Variants in FIP1L1 observed in about 807,000 individuals in gnomAD.
FIP1L1 encodes the protein factor interacting with PAPOLA and CPSF1.
In FIP1L1, 21 loss-of-function variants were observed where a neutral mutation model predicts 84.6. That is an observed-to-expected ratio of 0.25 (90% CI 0.18 to 0.36). The LOEUF (loss-of-function observed/expected upper bound fraction) is 0.36, where lower values mean the gene tolerates loss of function less well. Among genes scored for constraint, FIP1L1 ranks in the 10% least tolerant of loss-of-function variants. The pLI, the probability that FIP1L1 is intolerant of heterozygous loss-of-function variation, is 1.00. For synonymous variants in FIP1L1, 263 were observed against 242.3 expected, an observed-to-expected ratio of 1.09 and a Z score of -0.80; for missense variants, 526 against 751.1, an observed-to-expected ratio of 0.70 and a Z score of 3.50.
At chr4:53,441,332 CAGAA>C (rs1053974875) in intron 13 of FIP1L1, among the ~76,000 whole-genome samples, 13 of 151,884 alleles carry the variant, frequency 8.6e-5, no homozygotes, top group South Asian at 2.1e-4. Context: ...CTTCAATAAA[CAGAA>C]AGAGTGAAGT....
Position 53,399,718 on chromosome 4 carries a change from T to C in FIP1L1, c.706-12T>C. On this transcript the variant is annotated splice_polypyrimidine_tract_variant and intron_variant, in intron 9 of 17. Coordinates refer to ENST00000337488, the MANE Select transcript of FIP1L1 (RefSeq NM_030917.4). ...GTTAAATTCAACAAGCTAATAACCT[T>C]TTTTTTTTAAGGTACAGCAGGGAAG... 1 of 1,570,544 alleles carries C rather than the reference T, an allele frequency of 6.4e-7. No homozygotes were observed. Among genetic ancestry groups the C allele is most frequent in the Non-Finnish European group, 8.7e-7 (1 of 1,147,300 alleles).
chr4:53,410,063 A>G (rs187399922), intron 10 of FIP1L1, among the ~76,000 whole-genome samples: 26 of 152,328 alleles, frequency 1.7e-4, no homozygotes, highest in African/African-American at 6.3e-4. Flanking sequence ...GGAAATGCAG[A>G]AATCACCCGT....
At chr4:53,428,290 A>G (rs1765114358) in intron 13 of FIP1L1, 107 bp downstream of exon 13, 12 of 1,055,840 alleles carry the variant, frequency 1.1e-5, no homozygotes, top group Admixed American at 1.1e-4. Context: ...CATTAAAAGT[A>G]ATAGATATAA....
intron 6 of FIP1L1, 146 bp downstream of exon 6, chr4:53,390,019 A>G (rs1422416230): frequency 1.7e-5 from 10 of 583,960 alleles, no homozygotes; most frequent in East Asian, 6.4e-5. Flanking sequence ...GTTCACTGCA[A>G]CCTCCGTCTC....
rs1156771306 is a variant in FIP1L1 at position 53,420,261 on chromosome 4, T to TA, written c.923+5549dup. On this transcript the variant is annotated intron_variant, in intron 11 of 17. Transcript: ENST00000337488. ...CAACATGGAGAAACCCTGTCTCTACTAAAAAAAAAATTAAAAAAAAAATAG... is the reference window on the plus strand; with the variant it reads ...CAACATGGAGAAACCCTGTCTCTACTAAAAAAAAAAATTAAAAAAAAAATAG... Among the ~76,000 whole-genome samples, 121 of 91,300 alleles carry TA rather than the reference T, an allele frequency of 1.3e-3. 1 individual carries two copies. Among genetic ancestry groups the TA allele is most frequent in the South Asian group, 5.4e-3 (16 of 2,948 alleles). The allele number at this position is 91,300 out of a possible 152,430, so 59.9% of individuals were successfully genotyped here.
At position 53,390,992 on chromosome 4, in the gene FIP1L1, T is replaced by G. The variant is rs1373939583; in HGVS notation, c.506-17T>G. 1 of 1,567,668 alleles carries G rather than the reference T, an allele frequency of 6.4e-7. No individual in the cohort carries two copies. The highest frequency in any genetic ancestry group is 8.6e-7 in the Non-Finnish European group (1 of 1,160,598). On this transcript the variant is annotated splice_polypyrimidine_tract_variant and intron_variant, in intron 7 of 17. Transcript: ENST00000337488. ...GAGCTGAAATATTTGTACACTAAAG[T>G]TGTGTTTTATCTTTAGGTGCTGATC...
chr4:53,407,163 G>C (rs560137862), intron 10 of FIP1L1, among the ~76,000 whole-genome samples: 34 of 151,730 alleles, frequency 2.2e-4, no homozygotes, highest in East Asian at 1.7e-3. Context: ...ATAAATTTCC[G>C]TCTACACACT....
At chr4:53,448,252 G>A (rs1430931251) in intron 15 of FIP1L1, among the ~76,000 whole-genome samples, 2 of 152,018 alleles carry the variant, frequency 1.3e-5, no homozygotes, top group African/African-American at 4.8e-5. Flanking sequence ...CCTGAGGGAT[G>A]TACGATTGTC....
At chr4:53,415,112 A>T (rs1206148841) in intron 11 of FIP1L1, among the ~76,000 whole-genome samples, 1 of 152,058 alleles carries the variant, frequency 6.6e-6, no homozygotes, top group African/African-American at 2.4e-5. Flanking sequence ...GTAAAATTTG[A>T]CTCTACTGAA....
intron 10 of FIP1L1, among the ~76,000 whole-genome samples, chr4:53,408,761 A>T (rs1430838115): frequency 6.6e-6 from 1 of 152,046 alleles, no homozygotes; most frequent in African/African-American, 2.4e-5. Flanking sequence ...TGCATCACTG[A>T]TACCCTTTCT....
chr4:53,397,850 C>A (rs1199204113), intron 9 of FIP1L1, among the ~76,000 whole-genome samples: 1 of 152,116 alleles, frequency 6.6e-6, no homozygotes. Context: ...ATGGGGAAGA[C>A]TTGTAGAGGA....
At chr4:53,391,205 A>T in intron 8 of FIP1L1, 66 bp downstream of exon 8, 2 of 1,503,208 alleles carry the variant, frequency 1.3e-6, no homozygotes, top group South Asian at 1.3e-5. Flanking sequence ...CCCCAAATAA[A>T]TCGCTTCCCT....
In FIP1L1 at chr4:53,460,332, A is replaced by G. The variant is rs1238890961; in HGVS notation, c.*883A>G. On this transcript the variant is annotated 3_prime_UTR_variant, in exon 18 of 18. Transcript: ENST00000337488. ...AGCGAGCATTTTTAGGGATAAGCCTAGGAGGTATTCATCGGTGATGGTAAC... is the reference window on the plus strand; with the variant it reads ...AGCGAGCATTTTTAGGGATAAGCCTGGGAGGTATTCATCGGTGATGGTAAC... The G allele has an allele frequency of 5.3e-6, 1 of 189,742 alleles. No individual in the cohort carries two copies. The highest frequency in any genetic ancestry group is 1.1e-5 in the Non-Finnish European group (1 of 90,634). 11.8% of individuals were successfully genotyped at this position (189,742 alleles called of 1,614,324 possible). A position where few individuals can be genotyped will look rare whatever the true frequency, so the allele number is the denominator to read the frequency against.
intron 10 of FIP1L1, among the ~76,000 whole-genome samples, chr4:53,412,813 T>A (rs1238826412): frequency 6.6e-6 from 1 of 152,118 alleles, no homozygotes; most frequent in African/African-American, 2.4e-5. Flanking sequence ...CTGTTCCTCT[T>A]CAAACTTTTT....
chr4:53,413,837 G>A (rs1044698570), intron 10 of FIP1L1, among the ~76,000 whole-genome samples: 5 of 151,910 alleles, frequency 3.3e-5, no homozygotes, highest in Non-Finnish European at 5.9e-5. Flanking sequence ...CTAACAGTTC[G>A]AAAGGCAAGA....
intron 10 of FIP1L1, among the ~76,000 whole-genome samples, chr4:53,410,199 A>G (rs1456138838): frequency 2.6e-5 from 4 of 152,234 alleles, no homozygotes; most frequent in Non-Finnish European, 5.9e-5. Flanking sequence ...TCATTGTTGC[A>G]TAGAGTAAGA....
chr4:53,401,206 T>C (rs1356754614), intron 10 of FIP1L1, among the ~76,000 whole-genome samples: 2 of 152,228 alleles, frequency 1.3e-5, no homozygotes, highest in African/African-American at 4.8e-5. Context: ...GCTATTATAC[T>C]TAAACTATTT....
intron 3 of FIP1L1, among the ~76,000 whole-genome samples, chr4:53,381,717 T>TATAAATC (rs1050035003): frequency 1.3e-5 from 2 of 148,504 alleles, no homozygotes; most frequent in African/African-American, 4.9e-5. Flanking sequence ...ACCATCAAAT[T>TATAAATC]ATAAATCATT....
intron 10 of FIP1L1, among the ~76,000 whole-genome samples, chr4:53,401,041 G>A (rs57165925): frequency 0.14 from 21,119 of 152,096 alleles, 2,991 homozygotes; most frequent in African/African-American, 0.35. Flanking sequence ...CTGTGCTGTC[G>A]TTGGGCAAAT....
Sources: allele counts gnomAD v4.1 joint callset (sites outside exome capture counted in the v4.1 genomes callset), GRCh38; gene constraint gnomAD v4.1.1; transcripts MANE v1.5; gene names NCBI Gene and HGNC (gene_info 2026-07-23, HGNC 2026-07-21).